Variants in CLU observed in about 807,000 individuals in gnomAD.
CLU encodes the protein aging-associated protein 4.
CLU carries 25 observed loss-of-function variants against 46.4 expected under a neutral mutation model. The ratio of observed to expected loss-of-function variants is 0.54; its 90% confidence interval spans 0.39 to 0.75. CLU has a LOEUF of 0.75. Among genes scored for constraint, CLU ranks in the 30% least tolerant of loss-of-function variants. The pLI is 0.00. For missense variants in CLU, 504 were observed against 592.1 expected, an observed-to-expected ratio of 0.85 and a Z score of 1.54; for synonymous variants, 235 against 235.1, an observed-to-expected ratio of 1.00 and a Z score of 0.00.
chr8:27,613,995 C>T (rs1800971127), intron 1 of CLU: 1 of 152,150 alleles, frequency 6.6e-6, no homozygotes, highest in Non-Finnish European at 1.5e-5. Context: ...TGGCACCAGT[C>T]CTAAACCTCT....
chr8:27,605,150 C>A lies in CLU; in HGVS notation c.603G>T (p.Gln201His). The change falls in exon 5 of 9, where the codon CAG (glutamine) becomes CAT (histidine). Residue 201 changes from glutamine to histidine, a missense_variant. By Grantham distance (24) the Gln-to-His change is conservative. This residue lies in a region of CLU where 428 missense variants were observed against 484.0 expected (regional missense o/e 0.88). Transcript: ENST00000316403. ...FQDRFFTREP[Q>H]DTYHYLPFSL... ...TGAAGGGCAGGTAGTGGTAGGTATC[C>A]TGGGGCTCCCGGGTGAAGAACCTGT... is the stretch of plus-strand genomic sequence containing the variant. 1 of 1,614,176 alleles carries A rather than the reference C, an allele frequency of 6.2e-7. No homozygotes were observed. Among genetic ancestry groups the A allele is most frequent in the Non-Finnish European group, 8.5e-7 (1 of 1,180,026 alleles).
chr8:27,601,090 C>T (rs992890134), intron 6 of CLU, among the ~76,000 whole-genome samples: 1 of 152,146 alleles, frequency 6.6e-6, no homozygotes, highest in African/African-American at 2.4e-5. Flanking sequence ...CTCTTGTTTC[C>T]CAGGCTGGAG....
At position 27,605,350 on chromosome 8, in the gene CLU, A is replaced by T. The variant is rs1200907757; in HGVS notation, c.418-15T>A. ...AACTCCTCAAGCTGGGACAGCCAGC[A>T]TGGGCACAGTTAGGAGAAGCTCACC... On this transcript the variant is annotated splice_polypyrimidine_tract_variant and intron_variant, in intron 4 of 8. Transcript: ENST00000316403. 6.2e-7 allele frequency: 1 copy of T among 1,614,016 alleles called. No homozygotes were observed.
intron 3 of CLU, 53 bp downstream of exon 3, chr8:27,608,885 C>G: frequency 1.2e-6 from 2 of 1,607,166 alleles, no homozygotes; most frequent in Non-Finnish European, 1.7e-6. Context: ...GACCCCCTCC[C>G]TCCCCTCCAG....
intron 8 of CLU, 91 bp from the exon 9 acceptor site, chr8:27,598,341 T>C: frequency 1.9e-6 from 3 of 1,598,086 alleles, no homozygotes; most frequent in Non-Finnish European, 2.6e-6. Flanking sequence ...GTTCTTGGGC[T>C]CTGGCTCCGG....
In CLU at chr8:27,605,064, A is replaced by G; in HGVS notation, c.689T>C (p.Met230Thr). The change falls in exon 5 of 9, where the codon ATG becomes ACG. Residue 230 changes from methionine (M) to threonine (T), a missense_variant. Around this residue, in one of 3 missense-constraint regions of CLU, gnomAD observed 428 missense variants for 484.0 expected, o/e 0.88. Transcript: ENST00000316403. ...FPKSRIVRSL[M>T]PFSPYEPLNF... ...CAGGGGCTCGTACGGAGAGAAGGGC[A>G]TCAAGCTGCGGACGATGCGGGACTT... 2 of 1,614,130 alleles carry G rather than the reference A, an allele frequency of 1.2e-6. No individual in the cohort carries two copies. The highest frequency in any genetic ancestry group is 2.2e-5 in the South Asian group (2 of 91,066).
At position 27,612,166 on chromosome 8, in the gene CLU, C is replaced by T. The variant is rs545646881; in HGVS notation, c.-29-1566G>A. On this transcript the variant is annotated intron_variant, in intron 1 of 8. Transcript: ENST00000316403. ...ACCTGGGAAGGAGGTCGTTCTCTCA[C>T]CCAACCTCTCTACCCTAGCGGTGAG... Among the ~76,000 whole-genome samples the T allele has an allele frequency of 1.5e-3, 227 of 152,304 alleles. 1 individual carries two copies. Among genetic ancestry groups the T allele is most frequent in the African/African-American group, 5.2e-3 (218 of 41,566 alleles).
intron 6 of CLU, among the ~76,000 whole-genome samples, chr8:27,602,668 G>A (rs7812347): frequency 0.32 from 48,456 of 151,538 alleles, 9,513 homozygotes; most frequent in African/African-American, 0.54. Context: ...CAGGCAGTAC[G>A]TGCTTATATG....
intron 2 of CLU, 122 bp from the exon 3 acceptor site, chr8:27,609,208 A>T: frequency 9.5e-7 from 1 of 1,057,456 alleles, no homozygotes; most frequent in Non-Finnish European, 1.4e-6. Flanking sequence ...TGGGACCCCC[A>T]CTCCTGCCAG....
rs564020655 is a variant in CLU at position 27,597,921 on chromosome 8, T to C, written c.*320A>G. ...GTTTCTACTTATTTTCCATCCCCCC[T>C]GCCTGCCCCCCATAGCAAAATGAAG... On this transcript the variant is annotated 3_prime_UTR_variant, in exon 9 of 9. Transcript: ENST00000316403. 1 of 589,240 alleles carries C rather than the reference T, an allele frequency of 1.7e-6. No individual in the cohort carries two copies. Among genetic ancestry groups the C allele is most frequent in the East Asian group, 3.9e-5 (1 of 25,606 alleles). 36.5% of individuals were successfully genotyped at this position (589,240 alleles called of 1,614,324 possible).
At position 27,609,003 on chromosome 8, in the gene CLU, CTA is replaced by C. The variant is rs1191898281; in HGVS notation, c.179_180del (p.Ile60ArgfsTer27). 7 of 1,614,082 alleles carry C rather than the reference CTA, an allele frequency of 4.3e-6. No homozygotes were observed. Among genetic ancestry groups the C allele is most frequent in the African/African-American group, 2.7e-5 (2 of 74,936 alleles). ...GTCTTGCGCTCTTCGTTTGTTTTTT[CTA>C]TGAGAGTCTTTATCTGTTTCACCCC... Reference protein sequence around the residue: ...VNGVKQIKTLIEKTNEERKTL... With the variant: ...VNGVKQIKTLXEKTNEERKTL... On this transcript the variant is annotated frameshift_variant, in exon 3 of 9. Coordinates refer to ENST00000316403, the MANE Select transcript of CLU (RefSeq NM_001831.4). LOFTEE classifies it high-confidence loss of function.
intron 2 of CLU, among the ~76,000 whole-genome samples, chr8:27,609,636 AC>A: frequency 6.6e-6 from 1 of 152,306 alleles, no homozygotes; most frequent in East Asian, 1.9e-4. Flanking sequence ...CATGCCAAGC[AC>A]TGCGCCAAAC....
intron 5 of CLU, 136 bp downstream of exon 5, chr8:27,604,788 T>C (rs941506223): frequency 1.2e-5 from 13 of 1,103,768 alleles, no homozygotes; most frequent in Non-Finnish European, 1.6e-5. Context: ...TCAGTTTTTT[T>C]CCTCTTTAAA....
At position 27,605,081 on chromosome 8, in the gene CLU, G is replaced by T. The variant is rs367733866; in HGVS notation, c.672C>A (p.Arg224=). ...RRPHFFFPKS[R]IVRSLMPFSP... ...AGAAGGGCATCAAGCTGCGGACGAT[G>T]CGGGACTTGGGAAAGAAGAAGTGAG... Residue 224 remains arginine (R), a synonymous_variant, in exon 5 of 9, where the codon CGC becomes CGA. Coordinates refer to ENST00000316403, the MANE Select transcript of CLU (RefSeq NM_001831.4). The T allele has an allele frequency of 1.4e-5, 23 of 1,614,058 alleles. No homozygotes were observed. In the African/African-American group the frequency reaches 2.3e-4, roughly 16 times the overall value.
At position 27,597,926 on chromosome 8, in the gene CLU, G is replaced by C; in HGVS notation, c.*315C>G. The stretch of plus-strand genomic sequence containing the variant: ...TACTTATTTTCCATCCCCCCTGCCT[G>C]CCCCCCATAGCAAAATGAAGGCATG... On this transcript the variant is annotated 3_prime_UTR_variant, in exon 9 of 9. Coordinates refer to ENST00000316403, the MANE Select transcript of CLU (RefSeq NM_001831.4). 6.7e-6 allele frequency: 4 copies of C among 596,958 alleles called. No homozygotes were observed. The highest frequency in any genetic ancestry group is 6.1e-5 in the South Asian group (4 of 65,658). 37.0% of individuals were successfully genotyped at this position (596,958 alleles called of 1,614,324 possible).
At position 27,599,444 on chromosome 8, in the gene CLU, G is replaced by C. The variant is rs73229098; in HGVS notation, c.1164+336C>G. The C allele has an allele frequency of 2.5e-3, 852 of 338,080 alleles. 2 individuals are homozygous for C. The highest frequency in any genetic ancestry group is 4.1e-3 in the Admixed American group (95 of 23,042). 20.9% of individuals were successfully genotyped at this position (338,080 alleles called of 1,614,324 possible). A position where few individuals can be genotyped will look rare whatever the true frequency, so the allele number is the denominator to read the frequency against. On this transcript the variant is annotated intron_variant, in intron 7 of 8. Transcript: ENST00000316403. The surrounding 1 kb of genome is among the most constrained non-coding windows in gnomAD (Gnocchi z 4.0). ...GCCTTGTAGCTTTGAGAAAAGAACA[G>C]AGGCTTCTGGTTTATTCACAGATTT...
At position 27,598,545 on chromosome 8, in the gene CLU, C is replaced by A. The variant is rs1016570806; in HGVS notation, c.1255G>T (p.Val419Phe). The A allele has an allele frequency of 5.6e-6, 9 of 1,613,950 alleles. No individual in the cohort carries two copies. The highest frequency in any genetic ancestry group is 1.3e-5 in the African/African-American group (1 of 74,906). ...LFDSDPITVT[V>F]PVEVSRKNPK... The stretch of plus-strand genomic sequence containing the variant: ...TTCTTCCTGGAGACTTCTACAGGGA[C>A]CGTCACAGTGATGGGATCAGAGTCA... Residue 419 changes from valine (V) to phenylalanine (F), a missense_variant, in exon 8 of 9, where the codon GTC (valine) becomes TTC (phenylalanine). Around this residue, in one of 3 missense-constraint regions of CLU, gnomAD observed 428 missense variants for 484.0 expected, o/e 0.88. Transcript: ENST00000316403.
rs1234681200 is a variant in CLU at position 27,608,675 on chromosome 8, C to T, written c.246+263G>A. 16 of 581,332 alleles carry T rather than the reference C, an allele frequency of 2.8e-5. No individual in the cohort carries two copies. The Admixed American group carries it at 4.8e-4, about 17-fold the overall frequency. 36.0% of individuals were successfully genotyped at this position (581,332 alleles called of 1,614,324 possible). ...GCTTGGAACTAGCATGTGATCAGGG[C>T]TTAGAAACATCTATTGAAATGAATC... is the stretch of plus-strand genomic sequence containing the variant. On this transcript the variant is annotated intron_variant, in intron 3 of 8. Transcript: ENST00000316403.
In CLU at chr8:27,599,962, C is replaced by G; in HGVS notation, c.982G>C (p.Asp328His). 2 of 1,614,132 alleles carry G rather than the reference C, an allele frequency of 1.2e-6. No individual in the cohort carries two copies. The highest frequency in any genetic ancestry group is 1.1e-5 in the South Asian group (1 of 91,074). Reference protein sequence around the residue: ...PSQAKLRRELDESLQVAERLT... With the variant: ...PSQAKLRRELHESLQVAERLT... The stretch of plus-strand genomic sequence containing the variant: ...CTCTCAGCGACCTGGAGGGATTCGT[C>G]GAGCTCCCGCCGCAGCTTAGCCTGG... The change falls in exon 7 of 9, where the codon GAC (aspartate) becomes CAC (histidine). Residue 328 changes from aspartate (D) to histidine (H), a missense_variant. Around this residue, in one of 3 missense-constraint regions of CLU, gnomAD observed 428 missense variants for 484.0 expected, o/e 0.88. Coordinates refer to ENST00000316403, the MANE Select transcript of CLU (RefSeq NM_001831.4). The surrounding 1 kb of genome is among the most constrained non-coding windows in gnomAD (Gnocchi z 4.0).
Sources: allele counts gnomAD v4.1 joint callset (sites outside exome capture counted in the v4.1 genomes callset), GRCh38; gene constraint gnomAD v4.1.1; regional missense constraint gnomAD v4.1.1; non-coding constraint Gnocchi (gnomAD v3.1); transcripts MANE v1.5; gene names NCBI Gene and HGNC (gene_info 2026-07-23, HGNC 2026-07-21).